Variants in EP300 observed in about 807,000 individuals in gnomAD.
EP300 encodes the protein EP300 lysine acetyltransferase, also known as histone acetyltransferase p300.
EP300 carries 31 observed loss-of-function variants against 264.0 expected under a neutral mutation model. That is an observed-to-expected ratio of 0.12 (90% CI 0.09 to 0.16). EP300 has a LOEUF of 0.16. Among genes scored for constraint, EP300 ranks in the 10% least tolerant of loss-of-function variants. The pLI is 1.00. For synonymous variants in EP300, 1,340 were observed against 1,045.4 expected (o/e 1.28, Z -5.44); for missense variants, 2,766 against 3,052.9 (o/e 0.91, Z 2.21).
intron 1 of EP300, among the ~76,000 whole-genome samples, chr22:41,101,069 T>G (rs1204423950): frequency 6.6e-6 from 1 of 152,028 alleles, no homozygotes; most frequent in Admixed American, 6.5e-5. Context: ...AGAACTGTGT[T>G]AAGCATATTC....
chr22:41,141,561 A>G (rs935436290), intron 10 of EP300, among the ~76,000 whole-genome samples: 4 of 152,228 alleles, frequency 2.6e-5, no homozygotes, highest in Non-Finnish European at 5.9e-5. Context: ...GTAGCCAGTA[A>G]ATGTTTGTAG....
chr22:41,167,793 GTTCTAT>G (rs1182078451), intron 23 of EP300, among the ~76,000 whole-genome samples: 1 of 76,660 alleles, frequency 1.3e-5, no homozygotes, highest in Non-Finnish European at 2.6e-5. Context: ...CCTGGCCATT[GTTCTAT>G]TTCTGTTTGT....
In EP300 at chr22:41,172,600, G is replaced by C. The variant is rs2145770310; in HGVS notation, c.4554G>C (p.Lys1518Asn). Residue 1518 changes from lysine (K) to asparagine (N), a missense_variant, in exon 28 of 31, where the codon AAG becomes AAC. By Grantham distance (94) the Lys-to-Asn change is moderately conservative. Coordinates refer to ENST00000263253, the MANE Select transcript of EP300 (RefSeq NM_001429.4). ...CCAATGTTCTGGAAGAAAGCATTAA[G>C]GAACTGGAACAGGAGGAAGAAGAGA... ...FWPNVLEESI[K>N]ELEQEEEERK... 1 of 1,614,074 alleles carries C rather than the reference G, an allele frequency of 6.2e-7. No homozygotes were observed. Among genetic ancestry groups the C allele is most frequent in the Non-Finnish European group, 8.5e-7 (1 of 1,179,990 alleles).
Position 41,133,255 on chromosome 22 carries a change from C to A in EP300, c.1528+1622C>A, listed in dbSNP as rs898456144. ...CACTGCAACTTCCGCCTCCTGGGTT[C>A]AAGCAGTTCTTCCTGCCTCAGCCTC... On this transcript the variant is annotated intron_variant, in intron 6 of 30. Coordinates refer to ENST00000263253, the MANE Select transcript of EP300 (RefSeq NM_001429.4). Among the ~76,000 whole-genome samples the A allele has an allele frequency of 1.5e-4, 23 of 150,446 alleles. 1 individual carries two copies. The highest frequency in any genetic ancestry group is 9.4e-4 in the Admixed American group (14 of 14,858).
chr22:41,127,846 T>C, intron 4 of EP300, 98 bp downstream of exon 4: 3 of 1,450,346 alleles, frequency 2.1e-6, no homozygotes, highest in South Asian at 1.2e-5. Flanking sequence ...TGGATATGTT[T>C]AATACCTTAA....
intron 30 of EP300, 30 bp downstream of exon 30, chr22:41,176,558 T>G (rs1601639414): frequency 6.2e-7 from 1 of 1,612,714 alleles, no homozygotes; most frequent in Admixed American, 1.7e-5. Context: ...AAGGAGGAGG[T>G]GAGCTCCGCA....
chr22:41,154,794 G>A (rs2059067492), intron 16 of EP300, among the ~76,000 whole-genome samples: 1 of 152,126 alleles, frequency 6.6e-6, no homozygotes. Context: ...AAGACACAAT[G>A]TTTTTTAGGA....
chr22:41,151,065 CT>C (rs550811157), intron 14 of EP300, among the ~76,000 whole-genome samples: 1 of 151,956 alleles, frequency 6.6e-6, no homozygotes, highest in African/African-American at 2.4e-5. Flanking sequence ...ATTAATAGAA[CT>C]TTTTTTAAGG....
chr22:41,092,609 C>T lies in EP300; in HGVS notation c.-396C>T, dbSNP rs1024797349. 1.6e-6 allele frequency: 1 copy of T among 625,200 alleles called. No homozygotes were observed. Among genetic ancestry groups the T allele is most frequent in the Non-Finnish European group, 2.9e-6 (1 of 344,860 alleles). The allele number at this position is 625,200 out of a possible 1,614,324, so 38.7% of individuals were successfully genotyped here. ...GTGGCGATGAGAAGGAGGAGGACAG[C>T]GCCGAGGAGGAAGAGGTTGATGGCG... On this transcript the variant is annotated 5_prime_UTR_variant, in exon 1 of 31. Transcript: ENST00000263253.
At chr22:41,103,042 G>T (rs981101166) in intron 1 of EP300, among the ~76,000 whole-genome samples, 2 of 152,070 alleles carry the variant, frequency 1.3e-5, no homozygotes, top group Non-Finnish European at 2.9e-5. Context: ...TAGAGATGGG[G>T]TTTCACCATG....
In EP300 at chr22:41,117,591, A is replaced by G. The variant is rs776659580; in HGVS notation, c.499A>G (p.Thr167Ala). 2 of 1,614,236 alleles carry G rather than the reference A, an allele frequency of 1.2e-6. No individual in the cohort carries two copies. Residue 167 changes from threonine (T) to alanine (A), a missense_variant, in exon 2 of 31, where the codon ACA (threonine) becomes GCA (alanine). Thr to Ala is a moderately conservative substitution (Grantham distance 58, BLOSUM62 0). Transcript: ENST00000263253. ...PVNQPAMGMN[T>A]GMNAGMNPGM... Reference sequence around the variant, plus strand: ...AAATCAGCCTGCCATGGGAATGAACACAGGGATGAATGCGGGCATGAATCC... The same window carrying G: ...AAATCAGCCTGCCATGGGAATGAACGCAGGGATGAATGCGGGCATGAATCC...
intron 20 of EP300, among the ~76,000 whole-genome samples, chr22:41,161,738 A>ATATTTACTTC: frequency 6.6e-6 from 1 of 152,356 alleles, no homozygotes; most frequent in East Asian, 1.9e-4. Flanking sequence ...TTGAAAGTTC[A>ATATTTACTTC]TATTTACTTC....
chr22:41,152,902 C>T (rs1195191132), intron 16 of EP300, among the ~76,000 whole-genome samples: 5 of 152,044 alleles, frequency 3.3e-5, no homozygotes, highest in East Asian at 3.9e-4. Flanking sequence ...GGACTGCATG[C>T]GCATGCCACC....
At chr22:41,124,160 G>A (rs2058867907) in intron 2 of EP300, among the ~76,000 whole-genome samples, 1 of 152,226 alleles carries the variant, frequency 6.6e-6, no homozygotes. Context: ...CAGGATAACC[G>A]CTTGAACCCA....
At chr22:41,149,708 T>C in intron 13 of EP300, 53 bp from the exon 14 acceptor site, 1 of 1,569,420 alleles carries the variant, frequency 6.4e-7, no homozygotes, top group Non-Finnish European at 8.8e-7. Context: ...TATGTAAGTA[T>C]TTCCTTAATT....
chr22:41,132,643 A>C (rs944466149), intron 6 of EP300, among the ~76,000 whole-genome samples: 2 of 152,156 alleles, frequency 1.3e-5, no homozygotes, highest in South Asian at 4.2e-4. Context: ...GCTTTAAACT[A>C]TACAACAGAA....
chr22:41,117,964 G>A, intron 2 of EP300, 143 bp downstream of exon 2: 1 of 1,360,198 alleles, frequency 7.4e-7, no homozygotes, highest in Non-Finnish European at 1.0e-6. Flanking sequence ...TTTAAGAAGT[G>A]CCTGTATTTA....
In EP300 at chr22:41,167,613, T is replaced by A. The variant is rs2059145192; in HGVS notation, c.3875-836T>A. 1.6e-4 allele frequency among the ~76,000 whole-genome samples: 8 copies of A among 50,842 alleles called. 1 individual carries two copies. The South Asian group carries it at 5.2e-3, about 33-fold the overall frequency. The allele number at this position is 50,842 out of a possible 152,430, so 33.4% of individuals were successfully genotyped here. A position where few individuals can be genotyped will look rare whatever the true frequency, so the allele number is the denominator to read the frequency against. Reference sequence around the variant, plus strand: ...ATATATATATATATATATATATATATATATATATATATATATATATATAAT... The same window carrying A: ...ATATATATATATATATATATATATAAATATATATATATATATATATATAAT... On this transcript the variant is annotated intron_variant, in intron 23 of 30. Transcript: ENST00000263253.
At position 41,117,563 on chromosome 22, in the gene EP300, A is replaced by G. The variant is rs770598337; in HGVS notation, c.471A>G (p.Pro157=). 1.1e-5 allele frequency: 17 copies of G among 1,614,138 alleles called. No individual in the cohort carries two copies. The East Asian group carries it at 1.3e-4, about 13-fold the overall frequency. ...AGTCAACAGGTATGATGAACAGTCCAGTAAATCAGCCTGCCATGGGAATGA... is the reference window on the plus strand; with the variant it reads ...AGTCAACAGGTATGATGAACAGTCCGGTAAATCAGCCTGCCATGGGAATGA... ...PTQSTGMMNS[P]VNQPAMGMNT... is the part of the protein sequence containing the mutation. The change falls in exon 2 of 31, where the codon CCA becomes CCG. Residue 157 remains proline (P), a synonymous_variant. Transcript: ENST00000263253.
Sources: allele counts gnomAD v4.1 joint callset (sites outside exome capture counted in the v4.1 genomes callset), GRCh38; gene constraint gnomAD v4.1.1; transcripts MANE v1.5; gene names NCBI Gene and HGNC (gene_info 2026-07-23, HGNC 2026-07-21).